CTNNA3: variants seen among roughly 807,000 people sequenced by gnomAD.
The protein encoded by CTNNA3 is catenin alpha-3.
In CTNNA3, 76 loss-of-function variants were observed where a neutral mutation model predicts 95.7. The observed-to-expected ratio is 0.79, with a 90% CI of 0.66 to 0.96. The LOEUF is 0.96. Among genes scored for constraint, CTNNA3 ranks in the 40% least tolerant of loss-of-function variants. CTNNA3 has a pLI of 0.00. For synonymous variants in CTNNA3, 431 were observed against 374.4 expected, an observed-to-expected ratio of 1.15 and a Z score of -1.74; for missense variants, 1,191 against 1,089.8, an observed-to-expected ratio of 1.09 and a Z score of -1.31.
intron 11 of CTNNA3, among the ~76,000 whole-genome samples, chr10:66,461,354 A>G (rs2093527905): frequency 6.6e-6 from 1 of 152,168 alleles, no homozygotes; most frequent in Non-Finnish European, 1.5e-5. Flanking sequence ...GGCAGTAGAA[A>G]CTTACATGCA....
At chr10:66,019,894 C>T (rs1281681985) in intron 15 of CTNNA3, among the ~76,000 whole-genome samples, 5 of 152,014 alleles carry the variant, frequency 3.3e-5, no homozygotes, top group Admixed American at 6.6e-5. Flanking sequence ...TCTATTTTAT[C>T]GCTGCAGTAT....
intron 1 of CTNNA3, among the ~76,000 whole-genome samples, chr10:67,701,480 TAAAG>T (rs1368806091): frequency 1.3e-5 from 2 of 152,144 alleles, no homozygotes; most frequent in Non-Finnish European, 2.9e-5. Context: ...TCAACACTCT[TAAAG>T]AAAAGAATTT....
chr10:66,543,899 ATG>A (rs370848565), intron 10 of CTNNA3, among the ~76,000 whole-genome samples: 772 of 39,396 alleles, frequency 0.02, no homozygotes, highest in South Asian at 0.022. Context: ...CCTTCTTGAG[ATG>A]TGTGTGTGTG....
rs12412954 is a variant in CTNNA3, at chr10:66,536,640, G to C, written c.1375-15867C>G. 7.1e-3 allele frequency among the ~76,000 whole-genome samples: 1,079 copies of C among 151,950 alleles called. 35 individuals are homozygous for C. Among genetic ancestry groups the C allele is most frequent in the East Asian group, 0.053 (274 of 5,154 alleles). ...TAGTCAAATAAGACAAAGAAATAGG[G>C]GTTCCTAAATTTTGGTACTTATGCA... On this transcript the variant is annotated intron_variant, in intron 10 of 17. Coordinates refer to ENST00000433211, the MANE Select transcript of CTNNA3 (RefSeq NM_013266.4).
At chr10:67,138,553 C>T (rs1285254214) in intron 7 of CTNNA3, among the ~76,000 whole-genome samples, 2 of 152,122 alleles carry the variant, frequency 1.3e-5, no homozygotes, top group South Asian at 2.1e-4. Context: ...CTAATAAGTG[C>T]CCAGCACTGT....
chr10:66,742,959 T>C (rs994120330), intron 9 of CTNNA3, among the ~76,000 whole-genome samples: 23 of 152,208 alleles, frequency 1.5e-4, no homozygotes, highest in African/African-American at 5.5e-4. Flanking sequence ...TTCTACCGTT[T>C]ATACATGATT....
chr10:67,750,753 T>C (rs1037455527), intron 1 of CTNNA3: 9 of 1,597,688 alleles, frequency 5.6e-6, no homozygotes, highest in Admixed American at 1.7e-5. Flanking sequence ...TGAAAGCCCT[T>C]GGGGTCTCCA....
intron 1 of CTNNA3, among the ~76,000 whole-genome samples, chr10:67,722,035 G>C (rs183489462): frequency 6.6e-6 from 1 of 152,234 alleles, no homozygotes; most frequent in Admixed American, 6.5e-5. Flanking sequence ...TGTTGGTCTT[G>C]CCGGGAGCTG....
chr10:66,312,360 T>C (rs1441695251), intron 12 of CTNNA3, among the ~76,000 whole-genome samples: 1 of 152,174 alleles, frequency 6.6e-6, no homozygotes, highest in Non-Finnish European at 1.5e-5. Context: ...CAATCTTTCT[T>C]AGAAATTTTT....
intron 13 of CTNNA3, among the ~76,000 whole-genome samples, chr10:66,262,708 A>T (rs1191224831): frequency 1.3e-5 from 2 of 152,036 alleles, no homozygotes; most frequent in Non-Finnish European, 2.9e-5. Context: ...AATCTGAGCT[A>T]GAGGGGTAGT....
chr10:66,592,114 T>A (rs1410623815), intron 10 of CTNNA3, among the ~76,000 whole-genome samples: 4 of 149,428 alleles, frequency 2.7e-5, no homozygotes, highest in Non-Finnish European at 4.4e-5. Flanking sequence ...AAAAAAAAAA[T>A]GGTGACTCAT....
intron 5 of CTNNA3, among the ~76,000 whole-genome samples, chr10:67,386,287 A>C (rs1844157948): frequency 1.3e-5 from 2 of 152,156 alleles, no homozygotes; most frequent in Admixed American, 1.3e-4. Flanking sequence ...ATTGAATTTC[A>C]TCTCATTTAT....
chr10:66,986,006 G>A (rs149682178), intron 7 of CTNNA3, among the ~76,000 whole-genome samples: 1,578 of 152,168 alleles, frequency 0.01, 32 homozygotes, highest in African/African-American at 0.035. Flanking sequence ...GATTACAGGC[G>A]TGAGCCACCA....
At chr10:66,153,754 C>A (rs1397294990) in intron 13 of CTNNA3, among the ~76,000 whole-genome samples, 6 of 151,758 alleles carry the variant, frequency 4.0e-5, no homozygotes, top group African/African-American at 1.5e-4. Context: ...TGTCCTTACA[C>A]TAAGACTAAA....
At chr10:66,293,640 A>T (rs2091726291) in intron 12 of CTNNA3, among the ~76,000 whole-genome samples, 1 of 151,334 alleles carries the variant, frequency 6.6e-6, no homozygotes, top group African/African-American at 2.4e-5. Flanking sequence ...CTGTGAATTA[A>T]TCAGCATTAT....
rs1056311963 is a variant in CTNNA3, at chr10:66,233,389, T to C, written c.1884+47081A>G. Among the ~76,000 whole-genome samples the C allele has an allele frequency of 4.6e-5, 7 of 152,030 alleles. No individual in the cohort carries two copies. The East Asian group carries it at 1.3e-3, about 29-fold the overall frequency. ...CTAAAATAAGCTACCAAGTGAACAG[T>C]AAGCCACAGAGTAGAAGAAGATATT... On this transcript the variant is annotated intron_variant, in intron 13 of 17. Transcript: ENST00000433211.
At chr10:67,131,631 T>A (rs1048271022) in intron 7 of CTNNA3, among the ~76,000 whole-genome samples, 1 of 152,044 alleles carries the variant, frequency 6.6e-6, no homozygotes, top group Non-Finnish European at 1.5e-5. Context: ...TCAATCTTTG[T>A]CATTTTTTGT....
chr10:66,740,169 T>A (rs1446233749), intron 9 of CTNNA3, among the ~76,000 whole-genome samples: 3 of 152,252 alleles, frequency 2.0e-5, no homozygotes, highest in African/African-American at 7.2e-5. Flanking sequence ...TTAGTCCTGT[T>A]AATATCTTGA....
At chr10:67,019,704 C>G (rs1399003080) in intron 7 of CTNNA3, among the ~76,000 whole-genome samples, 4 of 152,088 alleles carry the variant, frequency 2.6e-5, no homozygotes, top group Admixed American at 2.6e-4. Flanking sequence ...TAATGTCATC[C>G]CTTCCATATA....
Sources: gnomAD v4.1 joint callset for allele counts (sites outside exome capture counted in the v4.1 genomes callset) on GRCh38, gnomAD v4.1.1 for gene constraint, MANE v1.5 for transcripts, NCBI Gene and HGNC (gene_info 2026-07-23, HGNC 2026-07-21) for gene names.